The following RARB variants were observed in gnomAD, a reference collection of about 807,000 sequenced individuals.
RARB encodes HBV-activated protein.
RARB carries 17 observed loss-of-function variants against 51.9 expected under a neutral mutation model. The observed-to-expected ratio is 0.33, with a 90% CI of 0.22 to 0.49. The LOEUF (loss-of-function observed/expected upper bound fraction) is 0.49. Among genes scored for constraint, RARB ranks in the 20% least tolerant of loss-of-function variants. The pLI is 0.99. For synonymous variants in RARB, 215 were observed against 195.4 expected (o/e 1.10, Z -0.84); for missense variants, 369 against 550.8 (o/e 0.67, Z 3.30).
rs145280655 is a variant in RARB, at chr3:25,418,362, C to A, written c.179-42831C>A. 2.8e-4 allele frequency among the ~76,000 whole-genome samples: 43 copies of A among 152,280 alleles called. 1 individual carries two copies. In the East Asian group the frequency reaches 7.9e-3, roughly 28 times the overall value. The stretch of plus-strand genomic sequence containing the variant: ...ATGGTACCAGAGAATTTATAAAAAT[C>A]TTTCTCATAAATTATTGCATTTAAT... On this transcript the variant is annotated intron_variant, in intron 5 of 11. Transcript: ENST00000383772.
chr3:25,322,269 A>T (rs376677801), intron 5 of RARB, among the ~76,000 whole-genome samples: 91 of 152,328 alleles, frequency 6.0e-4, no homozygotes, highest in Middle Eastern at 3.4e-3. Context: ...AATAAACCTC[A>T]GATAAGCCAT....
intron 3 of RARB, among the ~76,000 whole-genome samples, chr3:25,080,963 TC>T (rs1385542190): frequency 1.3e-5 from 2 of 152,122 alleles, no homozygotes; most frequent in Non-Finnish European, 2.9e-5. Flanking sequence ...TGTTGATGTT[TC>T]TGTATTTTGC....
chr3:25,156,027 T>C (rs1028138953), intron 4 of RARB, among the ~76,000 whole-genome samples: 2 of 152,204 alleles, frequency 1.3e-5, no homozygotes, highest in Admixed American at 1.3e-4. Context: ...GTGTGCTTGA[T>C]TTTTTGCCTG....
chr3:25,331,408 C>A (rs571053285), intron 5 of RARB, among the ~76,000 whole-genome samples: 1 of 152,310 alleles, frequency 6.6e-6, no homozygotes, highest in Non-Finnish European at 1.5e-5. Context: ...AACTGAACAA[C>A]CTGCTCCTGA....
rs71622787 is a variant in RARB, at chr3:24,912,972, A to ATTTTTTTTTTTTTTT, written c.-380+54222_-380+54223insTTTTTTTTTTTTTTT. Among the ~76,000 whole-genome samples the ATTTTTTTTTTTTTTT allele has an allele frequency of 3.6e-4, 21 of 57,650 alleles. 1 individual carries two copies. The highest frequency in any genetic ancestry group is 1.3e-3 in the Admixed American group (5 of 3,834). 37.8% of individuals were successfully genotyped at this position (57,650 alleles called of 152,430 possible). The stretch of plus-strand genomic sequence containing the variant: ...GTGGCAATACGCACACAAGGTACTG[A>ATTTTTTTTTTTTTTT]TTCTTTTTTTTTTTTTTTTTTTTTT... On this transcript the variant is annotated intron_variant, in intron 2 of 11. Coordinates refer to the RARB transcript ENST00000383772.
At chr3:25,221,311 C>G (rs1300379774) in intron 5 of RARB, among the ~76,000 whole-genome samples, 1 of 152,184 alleles carries the variant, frequency 6.6e-6, no homozygotes, top group Non-Finnish European at 1.5e-5. Flanking sequence ...TGTCCTTACG[C>G]TATGTGCTAA....
chr3:25,336,041 T>C (rs960429897), intron 5 of RARB, among the ~76,000 whole-genome samples: 15 of 151,562 alleles, frequency 9.9e-5, no homozygotes, highest in African/African-American at 1.5e-4. Flanking sequence ...TTTTCAGTTT[T>C]CACCAGAAGA....
chr3:24,995,688 A>C (rs1358991899), intron 2 of RARB, among the ~76,000 whole-genome samples: 1 of 152,088 alleles, frequency 6.6e-6, no homozygotes, highest in Non-Finnish European at 1.5e-5. Context: ...GGGATGTTGA[A>C]TTCTATCAAA....
intron 1 of RARB, among the ~76,000 whole-genome samples, chr3:24,841,971 A>G (rs780029718): frequency 4.1e-4 from 62 of 152,346 alleles, no homozygotes; most frequent in Non-Finnish European, 7.6e-4. Context: ...AATAATTAGA[A>G]GACAGAAAAT....
intron 2 of RARB, among the ~76,000 whole-genome samples, chr3:24,939,727 T>C (rs531111232): frequency 6.6e-6 from 1 of 152,334 alleles, no homozygotes; most frequent in East Asian, 1.9e-4. Flanking sequence ...GCATGTTCTT[T>C]GTAAAACTAA....
chr3:25,004,395 C>A (rs1697226648), intron 2 of RARB, among the ~76,000 whole-genome samples: 1 of 152,128 alleles, frequency 6.6e-6, no homozygotes. Flanking sequence ...GCTCACTATT[C>A]TGGAGGCTGA....
At chr3:25,499,333 G>A (rs1697184050) in intron 2 of RARB, among the ~76,000 whole-genome samples, 1 of 152,166 alleles carries the variant, frequency 6.6e-6, no homozygotes, top group African/African-American at 2.4e-5. Flanking sequence ...TCTCGTGTAG[G>A]TATAAGTCAC....
At chr3:25,458,315 A>G (rs2125551515) in intron 1 of RARB, 1 of 152,314 alleles carries the variant, frequency 6.6e-6, no homozygotes, top group East Asian at 1.9e-4. Context: ...TTAGTAGACA[A>G]ACCCAAAACA....
At chr3:25,036,437 T>A (rs1317718435) in intron 2 of RARB, among the ~76,000 whole-genome samples, 1 of 152,222 alleles carries the variant, frequency 6.6e-6, no homozygotes, top group Non-Finnish European at 1.5e-5. Flanking sequence ...ATTAATTACA[T>A]GCCGGAAAAG....
chr3:24,870,394 T>C (rs1316409417), intron 2 of RARB, among the ~76,000 whole-genome samples: 1 of 152,098 alleles, frequency 6.6e-6, no homozygotes, highest in East Asian at 1.9e-4. Flanking sequence ...TATTTTATAG[T>C]CCAAACTTAT....
chr3:25,201,050 G>A (rs909809875), intron 5 of RARB, among the ~76,000 whole-genome samples: 38 of 152,210 alleles, frequency 2.5e-4, no homozygotes, highest in African/African-American at 7.0e-4. Context: ...CCATTTTCAC[G>A]ATATTGATTC....
chr3:24,941,065 G>C (rs895602770), intron 2 of RARB, among the ~76,000 whole-genome samples: 2 of 151,982 alleles, frequency 1.3e-5, no homozygotes, highest in Non-Finnish European at 2.9e-5. Flanking sequence ...ACTTGTAGGG[G>C]GAAATTTTTA....
chr3:25,503,046 A>T (rs1055310149), intron 3 of RARB, among the ~76,000 whole-genome samples: 3 of 152,226 alleles, frequency 2.0e-5, no homozygotes, highest in Non-Finnish European at 4.4e-5. Context: ...TGCATGTGCC[A>T]TTCCTTCTGG....
chr3:25,122,886 T>C (rs1264326628), intron 3 of RARB, among the ~76,000 whole-genome samples: 3 of 152,188 alleles, frequency 2.0e-5, no homozygotes, highest in Non-Finnish European at 2.9e-5. Context: ...TCTCTGGTGA[T>C]GCTAAATCCT....
Sources: gnomAD v4.1 joint callset for allele counts (sites outside exome capture counted in the v4.1 genomes callset) on GRCh38, gnomAD v4.1.1 for gene constraint, MANE v1.5 for transcripts, NCBI Gene and HGNC (gene_info 2026-07-23, HGNC 2026-07-21) for gene names.